Variants in CLVS1 observed in about 807,000 individuals in gnomAD.
CLVS1 encodes clavesin 1, also known as clavesin-1.
Under a neutral mutation model 33.1 loss-of-function variants are expected in CLVS1, and 10 were observed. The ratio of observed to expected loss-of-function variants is 0.30; its 90% CI spans 0.19 to 0.51. CLVS1 has a LOEUF of 0.51. Ranked by LOEUF, CLVS1 falls within the 20% of genes least tolerant of loss-of-function variation. The pLI is 0.97. For synonymous variants in CLVS1, 163 were observed against 166.1 expected (o/e 0.98, Z 0.14); for missense variants, 343 against 433.4 (o/e 0.79, Z 1.85).
rs73685714 is a variant in CLVS1 at position 61,087,289 on chromosome 8, A to G, written c.-243+30059A>G. Among the ~76,000 whole-genome samples the G allele has an allele frequency of 6.7e-3, 1,013 of 152,290 alleles. 14 individuals carry two copies. Among genetic ancestry groups the G allele is most frequent in the African/African-American group, 0.023 (957 of 41,562 alleles). ...CACTGGGAAACTGGGAAGAGGGGGC[A>G]TTGAGGCAATGGAGGGAAATGCATG... On this transcript the variant is annotated intron_variant, in intron 1 of 2. Transcript: ENST00000522621.
chr8:61,320,779 G>C (rs1335079905), intron 2 of CLVS1, among the ~76,000 whole-genome samples: 2 of 152,056 alleles, frequency 1.3e-5, no homozygotes, highest in African/African-American at 2.4e-5. Context: ...TTTTCCAAAG[G>C]CTCCACCTTC....
chr8:61,317,086 G>T (rs1486242711), intron 2 of CLVS1, among the ~76,000 whole-genome samples: 3 of 152,060 alleles, frequency 2.0e-5, no homozygotes, highest in Non-Finnish European at 4.4e-5. Flanking sequence ...GTTCACTTGT[G>T]TGCTACTATA....
At chr8:61,275,248 C>T (rs1809539051) in intron 2 of CLVS1, among the ~76,000 whole-genome samples, 2 of 151,820 alleles carry the variant, frequency 1.3e-5, no homozygotes, top group South Asian at 4.2e-4. Context: ...TACCACATGC[C>T]CCACCATTAC....
intron 2 of CLVS1, among the ~76,000 whole-genome samples, chr8:61,322,862 A>T (rs1811247447): frequency 6.6e-6 from 1 of 152,168 alleles, no homozygotes; most frequent in Non-Finnish European, 1.5e-5. Context: ...TTTAAAAATT[A>T]TCTTAAATAT....
chr8:61,488,198 C>A (rs1483034187), intron 5 of CLVS1, among the ~76,000 whole-genome samples: 1 of 152,192 alleles, frequency 6.6e-6, no homozygotes, highest in Admixed American at 6.5e-5. Flanking sequence ...CCTGAACCCA[C>A]ACCAAAAACG....
At chr8:61,180,883 T>C (rs1401719463) in intron 2 of CLVS1, among the ~76,000 whole-genome samples, 2 of 152,206 alleles carry the variant, frequency 1.3e-5, no homozygotes, top group African/African-American at 4.8e-5. Context: ...GCCAATATCA[T>C]ACTGAATGGG....
At chr8:61,314,834 A>G (rs922252299) in intron 2 of CLVS1, among the ~76,000 whole-genome samples, 7 of 151,216 alleles carry the variant, frequency 4.6e-5, no homozygotes, top group Non-Finnish European at 7.4e-5. Flanking sequence ...TGCTTTGAAA[A>G]CTCCTCTCTT....
chr8:61,385,533 G>T (rs530063556), intron 3 of CLVS1, among the ~76,000 whole-genome samples: 1 of 152,220 alleles, frequency 6.6e-6, no homozygotes, highest in Non-Finnish European at 1.5e-5. Context: ...TAAAAATAAT[G>T]CCCTTGCAAA....
intron 3 of CLVS1, among the ~76,000 whole-genome samples, chr8:61,395,023 C>CAA (rs1236224716): frequency 6.6e-6 from 1 of 152,040 alleles, no homozygotes; most frequent in East Asian, 1.9e-4. Flanking sequence ...CATTTTTTAC[C>CAA]AATTGTTTTC....
chr8:61,004,766 G>A, the CLVS1 span, among the ~76,000 whole-genome samples: 1 of 152,216 alleles, frequency 6.6e-6, no homozygotes, highest in African/African-American at 2.4e-5. Context: ...CAGGAAGGGA[G>A]GCCTCTGCCT....
At chr8:61,091,125 G>T (rs537922247) in intron 1 of CLVS1, among the ~76,000 whole-genome samples, 45 of 152,314 alleles carry the variant, frequency 3.0e-4, no homozygotes, top group African/African-American at 1.0e-3. Context: ...AGGTGGGCCT[G>T]AGGTAATCAC....
intron 3 of CLVS1, among the ~76,000 whole-genome samples, chr8:61,410,666 G>A (rs1479728334): frequency 1.3e-5 from 2 of 151,986 alleles, no homozygotes. Flanking sequence ...TTTTGAGACA[G>A]AATCTTGCTC....
chr8:61,499,585 G>C lies in CLVS1; in HGVS notation c.*43G>C, dbSNP rs760253536. The C allele has an allele frequency of 1.4e-6, 2 of 1,475,394 alleles. No homozygotes were observed. The highest frequency in any genetic ancestry group is 2.3e-5 in the East Asian group (1 of 43,986). The allele number at this position is 1,475,394 out of a possible 1,614,324, so 91.4% of individuals were successfully genotyped here. ...TGCTCCTGCACACTGGCCTTCAGTG[G>C]TATCAGCCACCCAGGAAGCACATGC... On this transcript the variant is annotated 3_prime_UTR_variant, in exon 6 of 6. Transcript: ENST00000325897.
At chr8:61,315,069 C>T (rs749827068) in intron 2 of CLVS1, among the ~76,000 whole-genome samples, 28 of 152,162 alleles carry the variant, frequency 1.8e-4, no homozygotes, top group Non-Finnish European at 2.8e-4. Flanking sequence ...CTGTACAAAA[C>T]GGAAAACCTA....
At chr8:61,498,184 C>CT (rs1413351557) in intron 5 of CLVS1, among the ~76,000 whole-genome samples, 4 of 152,260 alleles carry the variant, frequency 2.6e-5, no homozygotes, top group African/African-American at 9.6e-5. Context: ...CTCTTACTGC[C>CT]TTAAAAGGGT....
intron 3 of CLVS1, chr8:61,378,252 T>A (rs1379713910): frequency 1.3e-5 from 2 of 149,314 alleles, no homozygotes; most frequent in Non-Finnish European, 2.9e-5. Flanking sequence ...CCTTTATACA[T>A]TTTTTTTCTT....
the CLVS1 span, among the ~76,000 whole-genome samples, chr8:61,043,956 A>G: frequency 1.3e-5 from 2 of 152,218 alleles, no homozygotes; most frequent in African/African-American, 4.8e-5. Context: ...AATACTTTGC[A>G]GCCACTTCTA....
At chr8:60,977,452 A>T in the CLVS1 span, among the ~76,000 whole-genome samples, 1 of 152,224 alleles carries the variant, frequency 6.6e-6, no homozygotes, top group Admixed American at 6.5e-5. Flanking sequence ...AAAGGAAATC[A>T]GAAAAATAAT....
intron 3 of CLVS1, among the ~76,000 whole-genome samples, chr8:61,405,924 A>G (rs1255294243): frequency 6.6e-6 from 1 of 152,188 alleles, no homozygotes; most frequent in Non-Finnish European, 1.5e-5. Context: ...CAATTTAAGA[A>G]TGACTGCTAT....
Sources: allele counts gnomAD v4.1 joint callset (sites outside exome capture counted in the v4.1 genomes callset), GRCh38; gene constraint gnomAD v4.1.1; transcripts MANE v1.5; gene names NCBI Gene and HGNC (gene_info 2026-07-23, HGNC 2026-07-21).